The following OPCML variants were observed in gnomAD, a reference collection of about 807,000 sequenced individuals.
OPCML encodes the protein opioid binding protein/cell adhesion molecule like, also known as opioid-binding protein/cell adhesion molecule.
OPCML carries 13 observed loss-of-function variants against 37.8 expected under a neutral mutation model. The observed-to-expected ratio is 0.34, with a 90% CI of 0.22 to 0.55. The LOEUF is 0.55. OPCML is among the 20% of genes least tolerant of loss of function. The pLI is 0.91. For synonymous variants in OPCML, 176 were observed against 168.8 expected, an observed-to-expected ratio of 1.04 and a Z score of -0.33; for missense variants, 341 against 435.6, an observed-to-expected ratio of 0.78 and a Z score of 1.93.
chr11:133,206,724 G>A lies in OPCML; in HGVS notation c.62-263714C>T, dbSNP rs1004753447. Among the ~76,000 whole-genome samples, 1 of 152,160 alleles carries A rather than the reference G, an allele frequency of 6.6e-6. No individual in the cohort carries two copies. The highest frequency in any genetic ancestry group is 2.4e-5 in the African/African-American group (1 of 41,424). On this transcript the variant is annotated intron_variant, in intron 1 of 7. Transcript: ENST00000524381. This position sits in a 1 kb window ranked among gnomAD's most constrained non-coding sequence, Gnocchi z 4.7. ...ATCCTGGTGTGCTTGTTTACCAGCT[G>A]TGACCCACTGGTCTAAAATGGAAAC...
rs551111951 is a variant in OPCML at position 133,212,180 on chromosome 11, C to A, written c.62-269170G>T. Among the ~76,000 whole-genome samples, 9 of 152,238 alleles carry A rather than the reference C, an allele frequency of 5.9e-5. No individual in the cohort carries two copies. Among genetic ancestry groups the A allele is most frequent in the Non-Finnish European group, 1.3e-4 (9 of 68,004 alleles). ...CCACCAATCACAACATCATAATGAC[C>A]AATCAATCAACCAAACCAGCAAGGA... On this transcript the variant is annotated intron_variant, in intron 1 of 7. Transcript: ENST00000524381. The surrounding 1 kb of genome is among the most constrained non-coding windows in gnomAD (Gnocchi z 4.9).
At chr11:132,894,118 C>G (rs146257699) in intron 2 of OPCML, among the ~76,000 whole-genome samples, 34 of 152,220 alleles carry the variant, frequency 2.2e-4, no homozygotes, top group Middle Eastern at 6.8e-3. Flanking sequence ...CCATTCAGTC[C>G]TCAGTCTACT....
intron 1 of OPCML, among the ~76,000 whole-genome samples, chr11:132,966,791 CAT>C (rs1946225367): frequency 6.6e-6 from 1 of 152,002 alleles, no homozygotes; most frequent in African/African-American, 2.4e-5. Flanking sequence ...ACCCTTTTAT[CAT>C]AGTAAAATGT....
At chr11:133,084,994 T>G (rs1948797379) in intron 1 of OPCML, among the ~76,000 whole-genome samples, 1 of 152,228 alleles carries the variant, frequency 6.6e-6, no homozygotes, top group African/African-American at 2.4e-5. Flanking sequence ...ATTATGTCAC[T>G]CAAGGACTGA....
At chr11:133,481,851 G>A (rs1402855753) in intron 1 of OPCML, among the ~76,000 whole-genome samples, 1 of 152,188 alleles carries the variant, frequency 6.6e-6, no homozygotes, top group Non-Finnish European at 1.5e-5. Flanking sequence ...AAGGAGGGAT[G>A]GGACACTGAG....
chr11:132,751,510 G>C (rs1018118149), intron 2 of OPCML, among the ~76,000 whole-genome samples: 1 of 152,238 alleles, frequency 6.6e-6, no homozygotes, highest in Non-Finnish European at 1.5e-5. Flanking sequence ...CAGAGGATCT[G>C]CATATGGTAA....
chr11:132,519,418 G>A (rs1013027761), intron 4 of OPCML, among the ~76,000 whole-genome samples: 7 of 152,074 alleles, frequency 4.6e-5, no homozygotes, highest in East Asian at 1.9e-4. Flanking sequence ...CCATCCTCCC[G>A]CTTGCACAAA....
chr11:132,819,826 C>G (rs376459297), intron 2 of OPCML, among the ~76,000 whole-genome samples: 13 of 152,124 alleles, frequency 8.5e-5, no homozygotes, highest in East Asian at 7.7e-4. Flanking sequence ...AGATAACCAA[C>G]CAAACAGCTC....
intron 1 of OPCML, among the ~76,000 whole-genome samples, chr11:133,108,284 G>A (rs973220936): frequency 6.6e-6 from 1 of 152,182 alleles, no homozygotes; most frequent in Non-Finnish European, 1.5e-5. Flanking sequence ...TTAGTCCTTA[G>A]AAGGGTGTTG....
intron 1 of OPCML, among the ~76,000 whole-genome samples, chr11:133,270,669 A>G (rs1451879695): frequency 6.6e-6 from 1 of 152,240 alleles, no homozygotes; most frequent in Non-Finnish European, 1.5e-5. Context: ...TTCGTGGTTT[A>G]TATTTTAACA....
rs539889209 is a variant in OPCML at position 132,615,006 on chromosome 11, A to C, written c.379+42081T>G. Among the ~76,000 whole-genome samples, 18 of 152,368 alleles carry C rather than the reference A, an allele frequency of 1.2e-4. 1 individual carries two copies. The highest frequency in any genetic ancestry group is 3.4e-4 in the African/African-American group (14 of 41,586). On this transcript the variant is annotated intron_variant, in intron 3 of 7. Transcript: ENST00000524381. ...AAATTAAAATGTGACACATTTATTG[A>C]ACATATAAATAATGCACATGTATTT... is the stretch of plus-strand genomic sequence containing the variant.
chr11:132,872,762 A>T (rs1028660187), intron 2 of OPCML, among the ~76,000 whole-genome samples: 4 of 152,108 alleles, frequency 2.6e-5, no homozygotes, highest in Non-Finnish European at 5.9e-5. Flanking sequence ...CGGGTGAATA[A>T]AAGAGTGTAT....
At chr11:132,845,111 C>T (rs1941464951) in intron 2 of OPCML, among the ~76,000 whole-genome samples, 1 of 152,074 alleles carries the variant, frequency 6.6e-6, no homozygotes, top group Admixed American at 6.6e-5. Context: ...AAGCTCATGG[C>T]TGGGAAGCCA....
intron 1 of OPCML, among the ~76,000 whole-genome samples, chr11:133,113,022 A>G (rs1000553481): frequency 6.6e-6 from 1 of 152,232 alleles, no homozygotes; most frequent in African/African-American, 2.4e-5. Context: ...TACAGAATAT[A>G]TATGCCCCTT....
chr11:133,285,073 G>T (rs1217932407), intron 1 of OPCML, among the ~76,000 whole-genome samples: 1 of 152,074 alleles, frequency 6.6e-6, no homozygotes, highest in Non-Finnish European at 1.5e-5. Context: ...ATTCTCCCTA[G>T]AGTAATGAGA....
intron 2 of OPCML, among the ~76,000 whole-genome samples, chr11:132,886,895 G>A (rs1035669450): frequency 1.5e-4 from 23 of 152,204 alleles, no homozygotes; most frequent in Non-Finnish European, 2.9e-4. Context: ...ATCGTGCCCC[G>A]CTCGCAGAAT....
intron 5 of OPCML, 40 bp downstream of exon 5, chr11:132,437,182 C>T (rs538151484): frequency 1.4e-5 from 23 of 1,602,972 alleles, no homozygotes; most frequent in East Asian, 4.5e-5. Flanking sequence ...CTCCCTGTGC[C>T]GTCTTTTCCC....
chr11:133,394,672 G>T (rs374209412), intron 1 of OPCML, among the ~76,000 whole-genome samples: 2 of 151,980 alleles, frequency 1.3e-5, no homozygotes, highest in Admixed American at 1.3e-4. Flanking sequence ...GTCTTTCTGC[G>T]CCTGGCTTGT....
At chr11:133,015,407 G>GGAAGGAAT (rs1947308527) in intron 1 of OPCML, among the ~76,000 whole-genome samples, 2 of 107,180 alleles carry the variant, frequency 1.9e-5, no homozygotes, top group African/African-American at 7.2e-5. Flanking sequence ...AAGGAAGGAA[G>GGAAGGAAT]GAAGGAAGGA....
Sources: gnomAD v4.1 joint callset for allele counts (sites outside exome capture counted in the v4.1 genomes callset) on GRCh38, gnomAD v4.1.1 for gene constraint, Gnocchi (gnomAD v3.1) non-coding constraint, MANE v1.5 for transcripts, NCBI Gene and HGNC (gene_info 2026-07-23, HGNC 2026-07-21) for gene names.